The following MARCHF6 variants were observed in gnomAD, a reference collection of about 807,000 sequenced individuals.
The protein encoded by MARCHF6 is E3 ubiquitin-protein ligase MARCHF6.
A neutral mutation model predicts 133.7 loss-of-function variants in MARCHF6; 31 were observed. That is an observed-to-expected ratio of 0.23 (90% CI 0.17 to 0.31). MARCHF6 has a LOEUF of 0.31. Ranked by LOEUF, MARCHF6 falls within the 10% of genes least tolerant of loss-of-function variation. MARCHF6 has a pLI of 1.00. For synonymous variants in MARCHF6, 395 were observed against 402.5 expected, an observed-to-expected ratio of 0.98 and a Z score of 0.22; for missense variants, 723 against 1,121.6, an observed-to-expected ratio of 0.64 and a Z score of 5.08.
chr5:10,422,262 A>G (rs1425442773), intron 22 of MARCHF6, among the ~76,000 whole-genome samples: 1 of 152,220 alleles, frequency 6.6e-6, no homozygotes, highest in Non-Finnish European at 1.5e-5. Context: ...TGGAGGAAAC[A>G]TCTAGGAGAC....
intron 22 of MARCHF6, chr5:10,421,801 G>A (rs989993051): frequency 1.3e-5 from 2 of 152,242 alleles, no homozygotes; most frequent in African/African-American, 4.8e-5. Flanking sequence ...CTCAGTAGGA[G>A]ACTGTTGGAG....
chr5:10,413,678 A>G (rs1204877266), intron 19 of MARCHF6, among the ~76,000 whole-genome samples: 4 of 152,218 alleles, frequency 2.6e-5, no homozygotes, highest in Non-Finnish European at 5.9e-5. Flanking sequence ...TGATGAGCAA[A>G]GTCATGTCTT....
intron 1 of MARCHF6, among the ~76,000 whole-genome samples, chr5:10,368,759 G>A (rs1457807840): frequency 6.6e-6 from 1 of 152,050 alleles, no homozygotes; most frequent in East Asian, 1.9e-4. Context: ...TTTTAGTAGA[G>A]ATGGTGTTTC....
intron 1 of MARCHF6, among the ~76,000 whole-genome samples, chr5:10,373,567 T>G (rs1348603391): frequency 6.6e-6 from 1 of 152,218 alleles, no homozygotes; most frequent in African/African-American, 2.4e-5. Flanking sequence ...CCTGTTGTCC[T>G]TGCCTCTCAC....
intron 18 of MARCHF6, among the ~76,000 whole-genome samples, chr5:10,411,003 G>A (rs1261038784): frequency 6.6e-6 from 1 of 151,740 alleles, no homozygotes; most frequent in Non-Finnish European, 1.5e-5. Context: ...GTGCTTGTAA[G>A]TACTTACCTC....
intron 5 of MARCHF6, among the ~76,000 whole-genome samples, chr5:10,389,195 C>G (rs1488388752): frequency 6.6e-6 from 1 of 152,028 alleles, no homozygotes; most frequent in Non-Finnish European, 1.5e-5. Context: ...GTGAATAATT[C>G]TGAAATCATA....
rs949774082 is a variant in MARCHF6, at chr5:10,437,662, G to A, written c.*3978G>A. On this transcript the variant is annotated 3_prime_UTR_variant, in exon 26 of 26. Transcript: ENST00000274140. ...AATGTAATGACTAATCTAAGGTCTAGGAATAACTATTGTAGAAGCTAAGTA... is the reference window on the plus strand; with the variant it reads ...AATGTAATGACTAATCTAAGGTCTAAGAATAACTATTGTAGAAGCTAAGTA... The A allele has an allele frequency of 6.6e-6, 1 of 152,184 alleles. No individual in the cohort carries two copies. Among genetic ancestry groups the A allele is most frequent in the Non-Finnish European group, 1.5e-5 (1 of 68,032 alleles). The allele number at this position is 152,184 out of a possible 1,614,324, so 9.4% of individuals were successfully genotyped here.
At chr5:10,431,268 T>A (rs1457116555) in intron 25 of MARCHF6, among the ~76,000 whole-genome samples, 1 of 152,142 alleles carries the variant, frequency 6.6e-6, no homozygotes, top group African/African-American at 2.4e-5. Flanking sequence ...AAAATCAACT[T>A]CTTAGCACTC....
chr5:10,411,195 T>C (rs1739210761), intron 18 of MARCHF6, 138 bp from the exon 19 acceptor site: 1 of 681,004 alleles, frequency 1.5e-6, no homozygotes, highest in Non-Finnish European at 2.5e-6. Flanking sequence ...TAGACCAAAA[T>C]TAGGTAATAA....
Position 10,434,537 on chromosome 5 carries a change from T to C in MARCHF6, c.*853T>C, listed in dbSNP as rs969382091. The C allele has an allele frequency of 7.2e-5, 10 of 138,230 alleles. No individual in the cohort carries two copies. The highest frequency in any genetic ancestry group is 4.6e-4 in the Admixed American group (6 of 13,182). The allele number at this position is 138,230 out of a possible 1,614,324, so 8.6% of individuals were successfully genotyped here. A position where few individuals can be genotyped will look rare whatever the true frequency, so the allele number is the denominator to read the frequency against. ...CTCTTTTCCACACACAACTATCTGT[T>C]TATTTTTTGTAGCAGTGGCCGAAAG... On this transcript the variant is annotated 3_prime_UTR_variant, in exon 26 of 26. Coordinates refer to ENST00000274140, the MANE Select transcript of MARCHF6 (RefSeq NM_005885.4).
rs566983904 is a variant in MARCHF6, at chr5:10,364,020, G to A, written c.19+10103G>A. Among the ~76,000 whole-genome samples, 36 of 152,336 alleles carry A rather than the reference G, an allele frequency of 2.4e-4. No individual in the cohort carries two copies. In the South Asian group the frequency reaches 5.6e-3, roughly 24 times the overall value. Reference sequence around the variant, plus strand: ...TTGGGATGATGATAATGTTCTAAAAGATTATGGTGATGGTTGCGTAACTGT... The same window carrying A: ...TTGGGATGATGATAATGTTCTAAAAAATTATGGTGATGGTTGCGTAACTGT... On this transcript the variant is annotated intron_variant, in intron 1 of 25. Transcript: ENST00000274140.
intron 21 of MARCHF6, 94 bp downstream of exon 21, chr5:10,415,763 C>T: frequency 9.7e-7 from 1 of 1,029,536 alleles, no homozygotes; most frequent in Non-Finnish European, 1.4e-6. Flanking sequence ...ACATTTATTT[C>T]CTTACTATAT....
intron 24 of MARCHF6, among the ~76,000 whole-genome samples, chr5:10,428,951 A>G (rs779482001): frequency 6.6e-6 from 1 of 152,192 alleles, no homozygotes; most frequent in Non-Finnish European, 1.5e-5. Flanking sequence ...TAATTCTTAC[A>G]TGTTATTCTT....
intron 6 of MARCHF6, 77 bp from the exon 7 acceptor site, chr5:10,391,460 TTTTTA>T: frequency 1.6e-6 from 1 of 610,042 alleles, no homozygotes. Context: ...TTTTTTTTTT[TTTTTA>T]GCAGGAATAA....
intron 22 of MARCHF6, among the ~76,000 whole-genome samples, chr5:10,423,024 TTTG>T (rs888077887): frequency 1.3e-5 from 2 of 152,046 alleles, no homozygotes; most frequent in African/African-American, 4.8e-5. Context: ...AATACCGTTT[TTTG>T]TTGTTGTTGT....
intron 25 of MARCHF6, among the ~76,000 whole-genome samples, chr5:10,431,515 T>C (rs1740359253): frequency 6.6e-6 from 1 of 152,182 alleles, no homozygotes; most frequent in South Asian, 2.1e-4. Flanking sequence ...TCTGTTCCTT[T>C]ATGCAGAAAG....
intron 1 of MARCHF6, among the ~76,000 whole-genome samples, chr5:10,360,259 C>G (rs1254942489): frequency 6.8e-6 from 1 of 147,112 alleles, no homozygotes; most frequent in South Asian, 2.2e-4. Flanking sequence ...AAGCGATTCT[C>G]CTGCCTCAGC....
At chr5:10,372,389 T>C (rs565531960) in intron 1 of MARCHF6, among the ~76,000 whole-genome samples, 71 of 152,322 alleles carry the variant, frequency 4.7e-4, no homozygotes, top group African/African-American at 1.7e-3. Context: ...GTAGCAATAG[T>C]GATCATTAAT....
At chr5:10,410,073 T>C in intron 17 of MARCHF6, 66 bp from the exon 18 acceptor site, 1 of 1,515,512 alleles carries the variant, frequency 6.6e-7, no homozygotes, top group South Asian at 1.2e-5. Context: ...GAAGTTGCGT[T>C]GTAATCCCAT....
Sources: allele counts gnomAD v4.1 joint callset (sites outside exome capture counted in the v4.1 genomes callset), GRCh38; gene constraint gnomAD v4.1.1; transcripts MANE v1.5; gene names NCBI Gene and HGNC (gene_info 2026-07-23, HGNC 2026-07-21).